CTNNA3: variants seen among roughly 807,000 people sequenced by gnomAD.
The protein encoded by CTNNA3 is catenin alpha-3.
CTNNA3 carries 76 observed loss-of-function variants against 95.7 expected under a neutral mutation model. The ratio of observed to expected loss-of-function variants is 0.79; its 90% CI spans 0.66 to 0.96. The LOEUF is 0.96. Among genes scored for constraint, CTNNA3 ranks in the 40% least tolerant of loss-of-function variants. CTNNA3 has a pLI of 0.00. For missense variants in CTNNA3, 1,191 were observed against 1,089.8 expected (o/e 1.09, Z -1.31); for synonymous variants, 431 against 374.4 (o/e 1.15, Z -1.74).
chr10:65,947,905 C>T (rs1786933), intron 17 of CTNNA3, among the ~76,000 whole-genome samples: 18,511 of 152,160 alleles, frequency 0.12, 1,437 homozygotes, highest in South Asian at 0.24. Context: ...GACTTGAACT[C>T]TACAGCTGGT....
chr10:66,451,688 AC>A lies in CTNNA3; in HGVS notation c.1531+68928del, dbSNP rs1341729443. On this transcript the variant is annotated intron_variant, in intron 11 of 17. Transcript: ENST00000433211. Reference sequence around the variant, plus strand: ...CTTTAAGACAAGACTGATTTTTTGGACTCCTAGATACATAATTATGTGAGTT... The same window carrying A: ...CTTTAAGACAAGACTGATTTTTTGGATCCTAGATACATAATTATGTGAGTT... Among the ~76,000 whole-genome samples, 8 of 151,920 alleles carry A rather than the reference AC, an allele frequency of 5.3e-5. No individual in the cohort carries two copies. The South Asian group carries it at 1.7e-3, about 32-fold the overall frequency.
At chr10:67,022,940 AAAAT>A (rs578243915) in intron 7 of CTNNA3, among the ~76,000 whole-genome samples, 1 of 152,130 alleles carries the variant, frequency 6.6e-6, no homozygotes, top group Non-Finnish European at 1.5e-5. Context: ...TGTGTCTCAA[AAAAT>A]AAATAAATAA....
intron 5 of CTNNA3, among the ~76,000 whole-genome samples, chr10:67,338,324 A>G (rs767501120): frequency 6.6e-6 from 1 of 152,064 alleles, no homozygotes; most frequent in Non-Finnish European, 1.5e-5. Flanking sequence ...CTTTTAAACA[A>G]TCAGATCTCA....
chr10:67,444,973 A>C (rs1160675042), intron 5 of CTNNA3, among the ~76,000 whole-genome samples: 1 of 152,158 alleles, frequency 6.6e-6, no homozygotes, highest in Non-Finnish European at 1.5e-5. Flanking sequence ...ACATTTAAAG[A>C]AGAACTAATT....
intron 11 of CTNNA3, among the ~76,000 whole-genome samples, chr10:66,501,133 C>A (rs574735451): frequency 6.6e-6 from 1 of 152,174 alleles, no homozygotes; most frequent in African/African-American, 2.4e-5. Context: ...ACACATTTTA[C>A]AAACTTATGA....
At chr10:66,509,253 G>C in intron 11 of CTNNA3, among the ~76,000 whole-genome samples, 1 of 151,960 alleles carries the variant, frequency 6.6e-6, no homozygotes, top group Non-Finnish European at 1.5e-5. Context: ...CTGTGCTGTT[G>C]TTTGAGTTCA....
intron 11 of CTNNA3, among the ~76,000 whole-genome samples, chr10:66,506,732 A>G (rs1009932646): frequency 1.3e-5 from 2 of 152,162 alleles, no homozygotes; most frequent in African/African-American, 4.8e-5. Flanking sequence ...TAATTTTATC[A>G]AAATCATTTT....
intron 11 of CTNNA3, among the ~76,000 whole-genome samples, chr10:66,420,967 G>A (rs2093188576): frequency 6.6e-6 from 1 of 152,216 alleles, no homozygotes; most frequent in East Asian, 1.9e-4. Flanking sequence ...GCACTCACAT[G>A]TTTGTTGTAG....
rs190406590 is a variant in CTNNA3, at chr10:67,421,360, C to G, written c.579+100482G>C. On this transcript the variant is annotated intron_variant, in intron 5 of 17. Transcript: ENST00000433211. The stretch of plus-strand genomic sequence containing the variant: ...GATAACTCACAAAGTTAATTTCTTA[C>G]TACAACCCAGTATTTCAGGGTGTTT... 1.1e-4 allele frequency among the ~76,000 whole-genome samples: 16 copies of G among 152,310 alleles called. No homozygotes were observed. In the East Asian group the frequency reaches 2.9e-3, roughly 28 times the overall value.
intron 1 of CTNNA3, among the ~76,000 whole-genome samples, chr10:67,684,553 G>T (rs1208147146): frequency 6.6e-6 from 1 of 152,166 alleles, no homozygotes; most frequent in African/African-American, 2.4e-5. Flanking sequence ...CTGCTTTTGG[G>T]AATTGGGCGA....
intron 14 of CTNNA3, among the ~76,000 whole-genome samples, chr10:66,101,585 A>T (rs1300734564): frequency 8.5e-5 from 13 of 152,220 alleles, no homozygotes; most frequent in Admixed American, 8.5e-4. Flanking sequence ...ATAGTAAATG[A>T]GAAAATACTT....
chr10:66,638,493 T>G (rs958071642), intron 9 of CTNNA3, among the ~76,000 whole-genome samples: 26 of 152,184 alleles, frequency 1.7e-4, no homozygotes, highest in Admixed American at 3.3e-4. Flanking sequence ...GCAATTATAT[T>G]CAATTGATAT....
intron 7 of CTNNA3, among the ~76,000 whole-genome samples, chr10:66,786,483 C>T (rs1048980509): frequency 1.3e-5 from 2 of 152,140 alleles, no homozygotes; most frequent in African/African-American, 4.8e-5. Flanking sequence ...TGTGGAAAAT[C>T]AGCCCAATTG....
intron 15 of CTNNA3, among the ~76,000 whole-genome samples, chr10:66,021,573 A>G (rs2079209682): frequency 6.6e-6 from 1 of 152,168 alleles, no homozygotes; most frequent in Non-Finnish European, 1.5e-5. Context: ...TATTTGCATT[A>G]TTTATAAGAT....
intron 3 of CTNNA3, among the ~76,000 whole-genome samples, chr10:67,604,193 C>T (rs1843180780): frequency 1.3e-5 from 2 of 152,178 alleles, no homozygotes. Flanking sequence ...GGATGCACTT[C>T]TCAGAACATG....
chr10:66,875,075 C>T (rs1167339185), intron 7 of CTNNA3, among the ~76,000 whole-genome samples: 3 of 152,036 alleles, frequency 2.0e-5, no homozygotes, highest in African/African-American at 4.8e-5. Context: ...GATCAGCAAT[C>T]GATTGCTAGA....
chr10:67,007,586 A>G (rs957351810), intron 7 of CTNNA3, among the ~76,000 whole-genome samples: 4 of 152,200 alleles, frequency 2.6e-5, no homozygotes, highest in Middle Eastern at 3.4e-3. Flanking sequence ...GTAAAAGGGA[A>G]AACCTGAAAA....
At position 66,189,617 on chromosome 10, in the gene CTNNA3, T is replaced by TATACAC. The variant is rs151078010; in HGVS notation, c.1885-86369_1885-86368insGTGTAT. On this transcript the variant is annotated intron_variant, in intron 13 of 17. Coordinates refer to ENST00000433211, the MANE Select transcript of CTNNA3 (RefSeq NM_013266.4). The stretch of plus-strand genomic sequence containing the variant: ...CTATAGATTTATATATATATATATA[T>TATACAC]ACACACATACACACACATATACATA... Among the ~76,000 whole-genome samples the TATACAC allele has an allele frequency of 3.3e-4, 46 of 140,330 alleles. 1 individual carries two copies. Among genetic ancestry groups the TATACAC allele is most frequent in the South Asian group, 1.6e-3 (7 of 4,506 alleles). The allele number at this position is 140,330 out of a possible 152,430, so 92.1% of individuals were successfully genotyped here.
At chr10:67,160,441 T>C (rs1221301450) in intron 7 of CTNNA3, among the ~76,000 whole-genome samples, 1 of 146,786 alleles carries the variant, frequency 6.8e-6, no homozygotes, top group Non-Finnish European at 1.5e-5. Flanking sequence ...ATCTTTTTTT[T>C]TTTTTTTTTT....
Sources: allele counts gnomAD v4.1 joint callset (sites outside exome capture counted in the v4.1 genomes callset), GRCh38; gene constraint gnomAD v4.1.1; transcripts MANE v1.5; gene names NCBI Gene and HGNC (gene_info 2026-07-23, HGNC 2026-07-21).